The following EVC2 variants were observed in gnomAD, a reference collection of about 807,000 sequenced individuals.
EVC2 encodes limbin.
Under a neutral mutation model 149.3 loss-of-function variants are expected in EVC2, and 148 were observed. That is an observed-to-expected ratio of 0.99 (90% CI 0.87 to 1.14). EVC2 has a LOEUF of 1.14. EVC2 is among the 50% of genes most tolerant of loss of function. EVC2 has a pLI of 0.00. For synonymous variants in EVC2, 776 were observed against 649.9 expected, an observed-to-expected ratio of 1.19 and a Z score of -2.95; for missense variants, 1,854 against 1,627.3, an observed-to-expected ratio of 1.14 and a Z score of -2.40.
At chr4:5,697,089 A>G (rs1721521882) in intron 2 of EVC2, among the ~76,000 whole-genome samples, 1 of 152,298 alleles carries the variant, frequency 6.6e-6, no homozygotes, top group South Asian at 2.1e-4. Context: ...AGTATCCCCA[A>G]TCCATCCCTA....
the EVC2 span, among the ~76,000 whole-genome samples, chr4:5,535,236 C>G: frequency 6.6e-6 from 1 of 152,150 alleles, no homozygotes; most frequent in African/African-American, 2.4e-5. The surrounding 1 kb of genome is among the most constrained non-coding windows in gnomAD (Gnocchi z 4.7). Context: ...AGGCTGGACC[C>G]CCGAACGTCA....
intron 21 of EVC2, among the ~76,000 whole-genome samples, chr4:5,552,679 G>A (rs1180118769): frequency 2.0e-5 from 3 of 152,168 alleles, no homozygotes; most frequent in Admixed American, 6.5e-5. Context: ...ATTGGTGCCT[G>A]GAGGCAATTT....
chr4:5,549,668 C>A (rs895844898), intron 21 of EVC2, among the ~76,000 whole-genome samples: 10 of 152,190 alleles, frequency 6.6e-5, no homozygotes, highest in Non-Finnish European at 1.0e-4. Flanking sequence ...ACCCAGAATT[C>A]TGATTCCAAA....
chr4:5,705,433 T>C (rs1722069761), intron 1 of EVC2, among the ~76,000 whole-genome samples: 1 of 152,208 alleles, frequency 6.6e-6, no homozygotes, highest in Admixed American at 6.5e-5. Context: ...GCTGATTATA[T>C]TTATCAACAT....
intron 9 of EVC2, among the ~76,000 whole-genome samples, chr4:5,661,515 G>A (rs867946201): frequency 3.9e-5 from 6 of 152,290 alleles, no homozygotes; most frequent in South Asian, 4.1e-4. Context: ...GACACAGAAC[G>A]AGGGTACAGA....
intron 1 of EVC2, among the ~76,000 whole-genome samples, chr4:5,706,341 C>CATAGATACATAGATACATAGATACATAG (rs1722142591): frequency 9.2e-5 from 1 of 10,906 alleles, no homozygotes; most frequent in Non-Finnish European, 1.8e-4. Flanking sequence ...TAGATAGATA[C>CATAGATACATAGATACATAGATACATAG]ATAGATAGAT....
At chr4:5,709,312 G>A (rs1428286678), upstream of EVC2, 1 of 152,252 alleles carries the variant, frequency 6.6e-6, no homozygotes, top group African/African-American at 2.4e-5. Flanking sequence ...GGAGCCTTTT[G>A]TGTGCTTCCT....
Position 5,632,299 on chromosome 4 carries a change from C to T in EVC2, c.1471-267G>A, listed in dbSNP as rs1577184327. Among the ~76,000 whole-genome samples the T allele has an allele frequency of 3.9e-5, 6 of 152,318 alleles. 1 individual carries two copies. In the South Asian group the frequency reaches 1.2e-3, roughly 32 times the overall value. ...CATGGGCACACACAGAACTTGCACA[C>T]ACACAAGGCACAAGTACATGTGCGC... On this transcript the variant is annotated intron_variant, in intron 10 of 21. Coordinates refer to ENST00000344408, the MANE Select transcript of EVC2 (RefSeq NM_147127.5).
chr4:5,561,266 T>C (rs1165343977), downstream of EVC2, among the ~76,000 whole-genome samples: 4 of 152,212 alleles, frequency 2.6e-5, no homozygotes, highest in African/African-American at 7.2e-5. Flanking sequence ...CAAGAACTTA[T>C]GGCCCTTAAG....
At position 5,686,788 on chromosome 4, in the gene EVC2, A is replaced by G. The variant is rs547505999; in HGVS notation, c.707-1309T>C. Among the ~76,000 whole-genome samples, 745 of 145,142 alleles carry G rather than the reference A, an allele frequency of 5.1e-3. 7 individuals are homozygous for G. Among genetic ancestry groups the G allele is most frequent in the African/African-American group, 0.015 (604 of 39,866 alleles). ...ATAGTTATCTACTTATGCTTTGGGG[A>G]AAAAAAAAAAAAGTCACCTGTGCCC... On this transcript the variant is annotated intron_variant, in intron 5 of 21. Coordinates refer to ENST00000344408, the MANE Select transcript of EVC2 (RefSeq NM_147127.5). The surrounding 1 kb of genome is among the most constrained non-coding windows in gnomAD (Gnocchi z 5.4).
At chr4:5,611,230 G>A (rs898935408) in intron 16 of EVC2, among the ~76,000 whole-genome samples, 1 of 152,132 alleles carries the variant, frequency 6.6e-6, no homozygotes, top group African/African-American at 2.4e-5. Context: ...TCACATGCCT[G>A]GTGGTGGACC....
At position 5,568,470 on chromosome 4, in the gene EVC2, C is replaced by G. The variant is rs770872108; in HGVS notation, c.3531G>C (p.Ala1177=). The G allele has an allele frequency of 1.3e-6, 2 of 1,572,356 alleles. No homozygotes were observed. Among genetic ancestry groups the G allele is most frequent in the Non-Finnish European group, 1.7e-6 (2 of 1,166,304 alleles). ...VDHAAESDGG[A]EQADVGRRRK... is the part of the protein sequence containing the mutation. ...TCCGCCTGCCCACGTCGGCCTGCTC[C>G]GCTCCGCCATCGCTCTCAGCTGCGT... The change falls in exon 20 of 22, where the codon GCG becomes GCC. Residue 1177 remains alanine, a synonymous_variant. Transcript: ENST00000344408.
intron 9 of EVC2, among the ~76,000 whole-genome samples, chr4:5,660,570 A>C (rs981786581): frequency 6.6e-6 from 1 of 152,136 alleles, no homozygotes; most frequent in Non-Finnish European, 1.5e-5. Flanking sequence ...CATTTTCAGT[A>C]TGCTTTCAAT....
downstream of EVC2, among the ~76,000 whole-genome samples, chr4:5,558,460 T>C (rs1332703734): frequency 6.6e-6 from 1 of 152,232 alleles, no homozygotes; most frequent in Non-Finnish European, 1.5e-5. Context: ...CATGGCACTA[T>C]ATGCTTATCA....
chr4:5,653,084 G>A (rs919510807), intron 9 of EVC2, among the ~76,000 whole-genome samples: 3 of 152,148 alleles, frequency 2.0e-5, no homozygotes, highest in African/African-American at 4.8e-5. Context: ...CATCATTTCA[G>A]TGTGTGCCTC....
intron 21 of EVC2, chr4:5,543,294 G>T: frequency 1.1e-6 from 1 of 879,880 alleles, no homozygotes; most frequent in Non-Finnish European, 1.6e-6. Flanking sequence ...ACCCCAAGCC[G>T]GCAGGAGCAC....
In EVC2 at chr4:5,625,855, G is replaced by C. The variant is rs1560175253; in HGVS notation, c.1940C>G (p.Thr647Arg). 1 of 1,613,988 alleles carries C rather than the reference G, an allele frequency of 6.2e-7. No homozygotes were observed. The highest frequency in any genetic ancestry group is 8.5e-7 in the Non-Finnish European group (1 of 1,180,016). ...CTTCTGCTTGATTGAAAAGACTTCT[G>C]TCTGAGCCCGCTCCAATAGCATTTC... ...QMEMLLERAQ[T>R]EVFSIKQKLD... Residue 647 changes from threonine (T) to arginine (R), a missense_variant, in exon 13 of 22, where the codon ACA becomes AGA. Physicochemically the swap from Thr to Arg is moderately conservative, Grantham distance 71. Coordinates refer to ENST00000344408, the MANE Select transcript of EVC2 (RefSeq NM_147127.5). This position sits in a 1 kb window ranked among gnomAD's most constrained non-coding sequence, Gnocchi z 4.0.
intron 5 of EVC2, among the ~76,000 whole-genome samples, chr4:5,688,891 T>C (rs1269634839): frequency 6.6e-6 from 1 of 152,208 alleles, no homozygotes; most frequent in African/African-American, 2.4e-5. Context: ...AAATAGACTA[T>C]GTATTTTTAA....
chr4:5,648,123 G>C (rs1369529946), intron 9 of EVC2, among the ~76,000 whole-genome samples: 1 of 152,134 alleles, frequency 6.6e-6, no homozygotes, highest in Non-Finnish European at 1.5e-5. Context: ...GGTTAATTGG[G>C]ATAGCCATCA....
Sources: gnomAD v4.1 joint callset for allele counts (sites outside exome capture counted in the v4.1 genomes callset) on GRCh38, gnomAD v4.1.1 for gene constraint, Gnocchi (gnomAD v3.1) non-coding constraint, MANE v1.5 for transcripts, NCBI Gene and HGNC (gene_info 2026-07-23, HGNC 2026-07-21) for gene names.